Variants in RGSL1 observed in about 807,000 individuals in gnomAD.
RGSL1 encodes regulator of G protein signaling protein-like.
Under a neutral mutation model 124.7 loss-of-function variants are expected in RGSL1, and 97 were observed. That is an observed-to-expected ratio of 0.78 (90% CI 0.66 to 0.92). The LOEUF is 0.92. Among genes scored for constraint, RGSL1 ranks in the 40% least tolerant of loss-of-function variants. The pLI is 0.00. For synonymous variants in RGSL1, 424 were observed against 438.1 expected (o/e 0.97, Z 0.40); for missense variants, 1,233 against 1,288.4 (o/e 0.96, Z 0.66).
chr1:182,454,170 A>T, intron 2 of RGSL1, 130 bp downstream of exon 2: 1 of 632,314 alleles, frequency 1.6e-6, no homozygotes, highest in Middle Eastern at 3.1e-4. Flanking sequence ...TAAATAAAAA[A>T]ACTCTTTTAA....
At chr1:182,527,517 T>A in intron 10 of RGSL1, 62 bp from the exon 11 acceptor site, 1 of 1,402,410 alleles carries the variant, frequency 7.1e-7, no homozygotes, top group Non-Finnish European at 9.6e-7. Context: ...ATTTCCTAAT[T>A]GAAACAGAAT....
At chr1:182,476,025 CT>C (rs1197583924) in intron 6 of RGSL1, among the ~76,000 whole-genome samples, 2 of 152,082 alleles carry the variant, frequency 1.3e-5, no homozygotes, top group African/African-American at 4.8e-5. Context: ...ATGCAGCTAG[CT>C]AGTAGATGAT....
rs1652061710 is a variant in RGSL1 at position 182,453,961 on chromosome 1, T to C, written c.17T>C (p.Ile6Thr). The C allele has an allele frequency of 6.7e-7, 1 of 1,483,872 alleles. No homozygotes were observed. The highest frequency in any genetic ancestry group is 9.2e-7 in the Non-Finnish European group (1 of 1,085,548). 91.9% of individuals were successfully genotyped at this position (1,483,872 alleles called of 1,614,324 possible). Residue 6 changes from isoleucine to threonine, a missense_variant, in exon 2 of 22, where the codon ATA becomes ACA. By Grantham distance (89) the Ile-to-Thr change is moderately conservative. Transcript: ENST00000294854. ...TTATTTCTCTCTCTCCATATAGAGA[T>C]AATTGGTTCTACAAATCTTATAATT... MSSAE[I>T]IGSTNLIILL...
intron 10 of RGSL1, among the ~76,000 whole-genome samples, chr1:182,522,631 G>GC (rs956198458): frequency 5.9e-5 from 9 of 152,044 alleles, no homozygotes; most frequent in African/African-American, 2.2e-4. Flanking sequence ...TTTCAGGAGT[G>GC]CCCACCCACC....
rs576393350 is a variant in RGSL1, at chr1:182,474,682, T to C, written c.1431+140T>C. The C allele has an allele frequency of 4.4e-5, 58 of 1,310,156 alleles. 1 individual carries two copies. The South Asian group carries it at 9.0e-4, about 20-fold the overall frequency. The allele number at this position is 1,310,156 out of a possible 1,614,324, so 81.2% of individuals were successfully genotyped here. A position where few individuals can be genotyped will look rare whatever the true frequency, so the allele number is the denominator to read the frequency against. On this transcript the variant is annotated intron_variant, in intron 6 of 21. Transcript: ENST00000294854. ...CTTTACATATTGAAGAGTTGGTTGATCTGTTAAGGCAGGGGTCCCCAGCCC... is the reference window on the plus strand; with the variant it reads ...CTTTACATATTGAAGAGTTGGTTGACCTGTTAAGGCAGGGGTCCCCAGCCC...
chr1:182,450,599 G>C, intron 1 of RGSL1: 1 of 234,658 alleles, frequency 4.3e-6, no homozygotes, highest in Non-Finnish European at 8.7e-6. Flanking sequence ...AACAAGAATG[G>C]AGAAATGAGA....
chr1:182,480,097 T>C (rs576157982), intron 6 of RGSL1, among the ~76,000 whole-genome samples: 1 of 151,974 alleles, frequency 6.6e-6, no homozygotes, highest in South Asian at 2.1e-4. Flanking sequence ...GGACAGAAAA[T>C]GAACAAAGAA....
chr1:182,530,819 CTCACCA>C lies in RGSL1; in HGVS notation c.2277_2282del (p.His759_His760del), dbSNP rs1659118616. ...AAAGATTATCAAGACCTGTTCCCAC[CTCACCA>C]TCAGGAGGTGGAAGTGCAAAGTGAA... On this transcript the variant is annotated inframe_deletion, in exon 13 of 22. Coordinates refer to ENST00000294854, the MANE Select transcript of RGSL1 (RefSeq NM_001137669.2). 3 of 1,549,644 alleles carry C rather than the reference CTCACCA, an allele frequency of 1.9e-6. No homozygotes were observed. The highest frequency in any genetic ancestry group is 1.4e-5 in the African/African-American group (1 of 72,854).
chr1:182,542,346 C>G (rs534662122), intron 15 of RGSL1, among the ~76,000 whole-genome samples: 1 of 152,218 alleles, frequency 6.6e-6, no homozygotes, highest in African/African-American at 2.4e-5. Flanking sequence ...CGCATTCTTG[C>G]CACCTGTGTC....
In RGSL1 at chr1:182,548,434, T is replaced by C; in HGVS notation, c.2787T>C (p.Ser929=). 1 of 1,551,726 alleles carries C rather than the reference T, an allele frequency of 6.4e-7. No homozygotes were observed. Among genetic ancestry groups the C allele is most frequent in the Non-Finnish European group, 8.7e-7 (1 of 1,146,994 alleles). ...TTATCCAAAAACTCTTCCTGAATTCTGACATCCCTCCAAAGCTGAGGGTAA... is the reference window on the plus strand; with the variant it reads ...TTATCCAAAAACTCTTCCTGAATTCCGACATCCCTCCAAAGCTGAGGGTAA... ...MNIIQKLFLN[S]DIPPKLRVNV... is the part of the protein sequence containing the mutation. The change falls in exon 16 of 22, where the codon TCT becomes TCC. Residue 929 remains serine (S), a synonymous_variant. Transcript: ENST00000294854.
intron 10 of RGSL1, among the ~76,000 whole-genome samples, chr1:182,527,292 T>A (rs978389802): frequency 3.3e-5 from 5 of 151,390 alleles, no homozygotes; most frequent in African/African-American, 1.2e-4. Flanking sequence ...TTTGAACCCA[T>A]AATGTAAAAA....
chr1:182,514,329 G>C (rs545348), intron 9 of RGSL1, among the ~76,000 whole-genome samples: 132,639 of 152,102 alleles, frequency 0.87, 58,172 homozygotes, highest in African/African-American at 0.9. Context: ...CATCTCGTCA[G>C]TGGGATCCCA....
At chr1:182,532,435 G>C (rs1011550457) in intron 13 of RGSL1, among the ~76,000 whole-genome samples, 4 of 152,146 alleles carry the variant, frequency 2.6e-5, no homozygotes, top group African/African-American at 9.7e-5. Flanking sequence ...AATGGCTCCA[G>C]TCTGTTGAAG....
At position 182,497,177 on chromosome 1, in the gene RGSL1, A is replaced by G. The variant is rs572130771; in HGVS notation, c.1825+4048A>G. On this transcript the variant is annotated intron_variant, in intron 9 of 21. Coordinates refer to ENST00000294854, the MANE Select transcript of RGSL1 (RefSeq NM_001137669.2). ...TATATATGCTGTCCATCCTACATCA[A>G]TGTGAACTGCTTCTTGTCCTTCTTT... 8.2e-4 allele frequency among the ~76,000 whole-genome samples: 124 copies of G among 152,070 alleles called. 1 individual carries two copies. In the Middle Eastern group the frequency reaches 0.034, roughly 42 times the overall value.
rs774975226 is a variant in RGSL1, at chr1:182,532,721, T to A, written c.2424T>A (p.Phe808Leu). Residue 808 changes from phenylalanine to leucine, a missense_variant, in exon 14 of 22, where the codon TTT becomes TTA. Phe to Leu is a conservative substitution (Grantham distance 22). Transcript: ENST00000294854. ...GGAGTTTTTGCAAGTACCGCAGATT[T>A]ATGTTGAATCCTAGTAAGCGCCAGG... ...FIRSFCKYRR[F>L]MLNPSKRQEF... is the part of the protein sequence containing the mutation. 4 of 1,551,020 alleles carry A rather than the reference T, an allele frequency of 2.6e-6. No homozygotes were observed. The African/African-American group carries it at 5.5e-5, about 21-fold the overall frequency.
At chr1:182,452,625 G>A (rs1651941525) in intron 1 of RGSL1, among the ~76,000 whole-genome samples, 1 of 151,830 alleles carries the variant, frequency 6.6e-6, no homozygotes, top group East Asian at 1.9e-4. Context: ...GCTAATTTTT[G>A]TATTTTTAGT....
At chr1:182,550,604 A>C (rs2102328441) in intron 17 of RGSL1, 1 of 154,430 alleles carries the variant, frequency 6.5e-6, no homozygotes, top group East Asian at 1.9e-4. Flanking sequence ...CATAAATCTG[A>C]GTTCACAAGA....
Position 182,522,095 on chromosome 1 carries a change from A to G in RGSL1, c.1917A>G (p.Pro639=). ...TCAAAAGAACTCTTGTAAGGAAGCC[A>G]TCAATGAGACCCAGGTGAGATATAG... ...SLLKRTLVRK[P]SMRPRNLTEV... is the part of the protein sequence containing the mutation. Residue 639 remains proline (P), a synonymous_variant, in exon 10 of 22, where the codon CCA becomes CCG. Coordinates refer to ENST00000294854, the MANE Select transcript of RGSL1 (RefSeq NM_001137669.2). 1 of 1,549,168 alleles carries G rather than the reference A, an allele frequency of 6.5e-7. No homozygotes were observed. The highest frequency in any genetic ancestry group is 8.7e-7 in the Non-Finnish European group (1 of 1,145,746).
At chr1:182,450,599 G>A (rs996758737) in intron 1 of RGSL1, 1 of 234,540 alleles carries the variant, frequency 4.3e-6, no homozygotes, top group African/African-American at 2.2e-5. Context: ...AACAAGAATG[G>A]AGAAATGAGA....
Sources: allele counts gnomAD v4.1 joint callset (sites outside exome capture counted in the v4.1 genomes callset), GRCh38; gene constraint gnomAD v4.1.1; transcripts MANE v1.5; gene names NCBI Gene and HGNC (gene_info 2026-07-23, HGNC 2026-07-21).